The following CTNND2 variants were observed in gnomAD, a reference collection of about 807,000 sequenced individuals.
CTNND2 encodes catenin delta-2.
In CTNND2, 22 loss-of-function variants were observed where a neutral mutation model predicts 144.4. That is an observed-to-expected ratio of 0.15 (90% CI 0.11 to 0.22). CTNND2 has a LOEUF of 0.22. Ranked by LOEUF, CTNND2 falls within the 10% of genes least tolerant of loss-of-function variation. The pLI, the probability that CTNND2 is intolerant of heterozygous loss-of-function variation, is 1.00. For missense variants in CTNND2, 1,353 were observed against 1,618.8 expected, an observed-to-expected ratio of 0.84 and a Z score of 2.82; for synonymous variants, 751 against 695.6, an observed-to-expected ratio of 1.08 and a Z score of -1.25.
intron 2 of CTNND2, among the ~76,000 whole-genome samples, chr5:11,626,966 C>T (rs1453027440): frequency 6.6e-6 from 1 of 152,022 alleles, no homozygotes. Flanking sequence ...AAGTGAGAGC[C>T]TTATTTCATC....
chr5:11,375,711 C>T (rs1170891378), intron 7 of CTNND2, among the ~76,000 whole-genome samples: 1 of 152,056 alleles, frequency 6.6e-6, no homozygotes, highest in Non-Finnish European at 1.5e-5. Context: ...TGTCATTATC[C>T]AGATAATACT....
At chr5:11,870,447 T>C (rs1735003926) in intron 1 of CTNND2, among the ~76,000 whole-genome samples, 1 of 152,150 alleles carries the variant, frequency 6.6e-6, no homozygotes, top group African/African-American at 2.4e-5. Flanking sequence ...ACAGGTACAC[T>C]CATGAGCGAG....
chr5:11,153,310 A>T (rs183816257), intron 12 of CTNND2, among the ~76,000 whole-genome samples: 1 of 152,318 alleles, frequency 6.6e-6, no homozygotes, highest in Admixed American at 6.5e-5. Context: ...CATGCCCCTC[A>T]TCTCTGGCCA....
At chr5:11,026,855 G>A (rs1438518131) in intron 16 of CTNND2, among the ~76,000 whole-genome samples, 1 of 152,170 alleles carries the variant, frequency 6.6e-6, no homozygotes, top group Non-Finnish European at 1.5e-5. Flanking sequence ...GACAGGGCTT[G>A]GAGCCCAGGG....
Position 11,721,417 on chromosome 5 carries a change from TTAGAAGTAG to T in CTNND2, c.174+10710_174+10718del, listed in dbSNP as rs538040557. Among the ~76,000 whole-genome samples, 10 of 152,216 alleles carry T rather than the reference TTAGAAGTAG, an allele frequency of 6.6e-5. No homozygotes were observed. In the South Asian group the frequency reaches 1.9e-3, roughly 28 times the overall value. On this transcript the variant is annotated intron_variant, in intron 2 of 21. Coordinates refer to ENST00000304623, the MANE Select transcript of CTNND2 (RefSeq NM_001332.4). ...CCCAGGCTACATAGAATCGTAAGAC[TTAGAAGTAG>T]AGAAAATGGTCTAACATGACTGATT...
At chr5:11,607,281 C>A (rs1780100100) in intron 2 of CTNND2, among the ~76,000 whole-genome samples, 1 of 152,144 alleles carries the variant, frequency 6.6e-6, no homozygotes, top group Non-Finnish European at 1.5e-5. Context: ...CTTTTAATAG[C>A]AGCCCTAACA....
At chr5:11,720,506 A>G (rs550017295) in intron 2 of CTNND2, among the ~76,000 whole-genome samples, 2 of 152,258 alleles carry the variant, frequency 1.3e-5, no homozygotes, top group African/African-American at 4.8e-5. Flanking sequence ...TTGCATAACC[A>G]TATTTGAAGA....
chr5:11,581,609 T>C (rs959602006), intron 2 of CTNND2, among the ~76,000 whole-genome samples: 2 of 152,252 alleles, frequency 1.3e-5, no homozygotes, highest in Non-Finnish European at 2.9e-5. Flanking sequence ...GCTCCCTATC[T>C]GCAGAATCTC....
chr5:11,144,443 G>A lies in CTNND2; in HGVS notation c.2159+15133C>T, dbSNP rs150222073. Among the ~76,000 whole-genome samples, 3 of 152,224 alleles carry A rather than the reference G, an allele frequency of 2.0e-5. No homozygotes were observed. The East Asian group carries it at 5.8e-4, about 30-fold the overall frequency. ...CCTCCGGTCCACCTGCAGGCTACCC[G>A]ACCAGAGCCTGGTCTCCCCACTTGG... On this transcript the variant is annotated intron_variant, in intron 12 of 21. Transcript: ENST00000304623.
chr5:11,850,879 A>G (rs4333311), intron 1 of CTNND2, among the ~76,000 whole-genome samples: 105,285 of 152,092 alleles, frequency 0.69, 36,564 homozygotes, highest in South Asian at 0.78. Context: ...CTAAGGTATC[A>G]TGCCCAGCTG....
chr5:11,838,447 G>GCT (rs1794291747), intron 1 of CTNND2, among the ~76,000 whole-genome samples: 1 of 152,136 alleles, frequency 6.6e-6, no homozygotes, highest in African/African-American at 2.4e-5. Context: ...AGAGGTTCAG[G>GCT]CTCTCTCCTT....
intron 2 of CTNND2, among the ~76,000 whole-genome samples, chr5:11,621,870 T>C (rs567902932): frequency 2.6e-5 from 4 of 152,346 alleles, no homozygotes; most frequent in African/African-American, 9.6e-5. Context: ...GCTGTCATAG[T>C]TGGCTGATTC....
At chr5:11,801,194 G>A (rs540731482) in intron 1 of CTNND2, among the ~76,000 whole-genome samples, 1 of 152,276 alleles carries the variant, frequency 6.6e-6, no homozygotes, top group South Asian at 2.1e-4. Flanking sequence ...GTTAGCTGAT[G>A]GGTACCAGTT....
chr5:11,367,501 T>A (rs555947337), intron 7 of CTNND2, among the ~76,000 whole-genome samples: 39 of 152,362 alleles, frequency 2.6e-4, no homozygotes, highest in African/African-American at 8.4e-4. Context: ...TGATTCAAAT[T>A]AAATGTCCTT....
chr5:11,464,561 G>T (rs1323772612), intron 3 of CTNND2, among the ~76,000 whole-genome samples: 6 of 152,128 alleles, frequency 3.9e-5, no homozygotes, highest in Non-Finnish European at 8.8e-5. Flanking sequence ...ATCCTCAGAG[G>T]CCTTGGGAAG....
At chr5:11,536,536 T>C (rs1199770794) in intron 3 of CTNND2, among the ~76,000 whole-genome samples, 1 of 152,222 alleles carries the variant, frequency 6.6e-6, no homozygotes, top group Non-Finnish European at 1.5e-5. Flanking sequence ...CATGAAATAC[T>C]ACTCAGCCAT....
intron 2 of CTNND2, among the ~76,000 whole-genome samples, chr5:11,665,391 T>C (rs1783507127): frequency 6.6e-6 from 1 of 152,160 alleles, no homozygotes; most frequent in Non-Finnish European, 1.5e-5. Context: ...CTGAATAACA[T>C]CTAGCTTTAC....
intron 10 of CTNND2, among the ~76,000 whole-genome samples, chr5:11,226,615 T>C (rs1272788649): frequency 2.0e-5 from 3 of 152,212 alleles, no homozygotes; most frequent in Non-Finnish European, 4.4e-5. Flanking sequence ...AAACTCCCCT[T>C]TATAAAACCA....
At chr5:11,367,790 G>A (rs1757117375) in intron 7 of CTNND2, among the ~76,000 whole-genome samples, 1 of 151,862 alleles carries the variant, frequency 6.6e-6, no homozygotes, top group Non-Finnish European at 1.5e-5. Context: ...ATCAAAACAT[G>A]GATGAGCCAA....
Sources: gnomAD v4.1 joint callset for allele counts (sites outside exome capture counted in the v4.1 genomes callset) on GRCh38, gnomAD v4.1.1 for gene constraint, MANE v1.5 for transcripts, NCBI Gene and HGNC (gene_info 2026-07-23, HGNC 2026-07-21) for gene names.